Variants in ITFG1 observed in about 807,000 individuals in gnomAD.
ITFG1 encodes the protein integrin alpha FG-GAP repeat containing 1.
ITFG1 carries 34 observed loss-of-function variants against 81.8 expected under a neutral mutation model. The observed-to-expected ratio is 0.42, with a 90% CI of 0.32 to 0.55. ITFG1 has a LOEUF of 0.55. Among genes scored for constraint, ITFG1 ranks in the 20% least tolerant of loss-of-function variants. The pLI is 0.17. For synonymous variants in ITFG1, 285 were observed against 270.6 expected (o/e 1.05, Z -0.52); for missense variants, 672 against 755.4 (o/e 0.89, Z 1.29).
chr16:47,454,940 T>C (rs559703567), intron 2 of ITFG1, among the ~76,000 whole-genome samples: 2 of 152,346 alleles, frequency 1.3e-5, no homozygotes, highest in South Asian at 4.1e-4. Context: ...AGATAATTAC[T>C]TTCTTAATGC....
At chr16:47,255,210 T>A (rs769179157) in intron 12 of ITFG1, among the ~76,000 whole-genome samples, 3 of 152,240 alleles carry the variant, frequency 2.0e-5, no homozygotes, top group Non-Finnish European at 4.4e-5. Flanking sequence ...ATTTAATGTA[T>A]ATTTTTGAAG....
intron 8 of ITFG1, among the ~76,000 whole-genome samples, chr16:47,328,592 T>G (rs911937659): frequency 6.6e-6 from 1 of 152,108 alleles, no homozygotes; most frequent in Non-Finnish European, 1.5e-5. Context: ...GAAAAATACT[T>G]AGTATATCCT....
intron 6 of ITFG1, among the ~76,000 whole-genome samples, chr16:47,387,207 C>T (rs559203051): frequency 5.9e-5 from 9 of 152,268 alleles, no homozygotes; most frequent in Admixed American, 4.6e-4. Flanking sequence ...TGACAAGGTA[C>T]GTCTCCAAAG....
Position 47,327,587 on chromosome 16 carries a change from G to T in ITFG1, c.803-13764C>A, listed in dbSNP as rs1242663260. On this transcript the variant is annotated intron_variant, in intron 8 of 17. Coordinates refer to ENST00000320640, the MANE Select transcript of ITFG1 (RefSeq NM_030790.5). ...TTGCAACCTACTCATCTGACAAAGG[G>T]CTAATATCCAGAATCTACAATGAAC... Among the ~76,000 whole-genome samples the T allele has an allele frequency of 2.6e-5, 4 of 152,178 alleles. No homozygotes were observed. In the East Asian group the frequency reaches 7.7e-4, roughly 29 times the overall value.
intron 14 of ITFG1, among the ~76,000 whole-genome samples, chr16:47,175,288 T>C (rs1965010615): frequency 6.6e-6 from 1 of 151,546 alleles, no homozygotes; most frequent in African/African-American, 2.4e-5. Context: ...ATCTTTATCA[T>C]GAGGAAATTT....
intron 10 of ITFG1, among the ~76,000 whole-genome samples, chr16:47,278,501 T>C (rs950972338): frequency 1.3e-5 from 2 of 152,178 alleles, no homozygotes; most frequent in Non-Finnish European, 2.9e-5. Flanking sequence ...CAAGTGTCCA[T>C]GGTCCAGGCA....
At chr16:47,240,295 C>CAAA (rs565661862) in intron 12 of ITFG1, among the ~76,000 whole-genome samples, 39 of 52,078 alleles carry the variant, frequency 7.5e-4, no homozygotes, top group East Asian at 1.2e-3. Flanking sequence ...GATCCTGTCT[C>CAAA]AAAAAAAAAA....
intron 10 of ITFG1, among the ~76,000 whole-genome samples, chr16:47,283,179 T>G (rs773633399): frequency 3.9e-5 from 6 of 152,202 alleles, no homozygotes; most frequent in Non-Finnish European, 7.3e-5. Flanking sequence ...AGAAGAGTTT[T>G]TCCTAGGTTT....
At chr16:47,301,937 C>G (rs564112309) in intron 10 of ITFG1, among the ~76,000 whole-genome samples, 4 of 152,126 alleles carry the variant, frequency 2.6e-5, no homozygotes, top group East Asian at 3.9e-4. Context: ...ACTTGGCCCA[C>G]TAACTCACTT....
intron 12 of ITFG1, among the ~76,000 whole-genome samples, chr16:47,240,996 C>T (rs1965926642): frequency 6.6e-6 from 1 of 151,338 alleles, no homozygotes; most frequent in South Asian, 2.1e-4. Flanking sequence ...CTGAACTATA[C>T]CTTAAAAATG....
intron 7 of ITFG1, among the ~76,000 whole-genome samples, chr16:47,366,081 C>T (rs560328937): frequency 6.6e-6 from 1 of 152,128 alleles, no homozygotes; most frequent in Non-Finnish European, 1.5e-5. Context: ...GGTATGCTTT[C>T]CTTGCTGTCA....
intron 8 of ITFG1, among the ~76,000 whole-genome samples, chr16:47,355,138 C>T (rs190605072): frequency 6.6e-6 from 1 of 151,960 alleles, no homozygotes; most frequent in African/African-American, 2.4e-5. Context: ...AAGGAAACAA[C>T]CTGAGTCCAT....
At chr16:47,256,243 AT>A (rs941603403) in intron 12 of ITFG1, among the ~76,000 whole-genome samples, 2 of 151,568 alleles carry the variant, frequency 1.3e-5, no homozygotes, top group East Asian at 1.9e-4. Flanking sequence ...GGGAGGACTG[AT>A]TTTTTTTTGA....
chr16:47,197,430 C>T (rs1213003770), intron 14 of ITFG1, among the ~76,000 whole-genome samples: 2 of 152,180 alleles, frequency 1.3e-5, no homozygotes, highest in Non-Finnish European at 2.9e-5. Flanking sequence ...CCTGTAAGCC[C>T]CTACCCTTCG....
intron 10 of ITFG1, among the ~76,000 whole-genome samples, chr16:47,297,926 T>C (rs181498802): frequency 4.1e-4 from 63 of 152,338 alleles, no homozygotes; most frequent in African/African-American, 1.4e-3. Flanking sequence ...AAATAGGTTT[T>C]CCAGTCTTGT....
intron 10 of ITFG1, among the ~76,000 whole-genome samples, chr16:47,305,252 C>A (rs1967139510): frequency 6.6e-6 from 1 of 151,968 alleles, no homozygotes; most frequent in Non-Finnish European, 1.5e-5. Context: ...TACTTATGAC[C>A]CACTGTCAGT....
At chr16:47,372,949 C>T (rs1968276722) in intron 7 of ITFG1, among the ~76,000 whole-genome samples, 1 of 152,172 alleles carries the variant, frequency 6.6e-6, no homozygotes. Flanking sequence ...ATGTTGCATG[C>T]TAACCTATCT....
chr16:47,335,177 T>C (rs938297771), intron 8 of ITFG1, among the ~76,000 whole-genome samples: 3 of 152,036 alleles, frequency 2.0e-5, no homozygotes, highest in African/African-American at 7.2e-5. Flanking sequence ...GCCAACATGG[T>C]GAAACCCTGT....
intron 14 of ITFG1, among the ~76,000 whole-genome samples, chr16:47,171,062 T>TG (rs1964954451): frequency 6.9e-6 from 1 of 145,024 alleles, no homozygotes; most frequent in African/African-American, 2.6e-5. Flanking sequence ...GACAGGGTCT[T>TG]GCTCTACCAC....
Sources: allele counts gnomAD v4.1 joint callset (sites outside exome capture counted in the v4.1 genomes callset), GRCh38; gene constraint gnomAD v4.1.1; transcripts MANE v1.5; gene names NCBI Gene and HGNC (gene_info 2026-07-23, HGNC 2026-07-21).